ZBTB44: variants seen among roughly 807,000 people sequenced by gnomAD.
ZBTB44 encodes the protein zinc finger and BTB domain containing 44.
In ZBTB44, 15 loss-of-function variants were observed where a neutral mutation model predicts 54.0. The ratio of observed to expected loss-of-function variants is 0.28; its 90% CI spans 0.19 to 0.43. The LOEUF (loss-of-function observed/expected upper bound fraction) is 0.43. Ranked by LOEUF, ZBTB44 falls within the 20% of genes least tolerant of loss-of-function variation. ZBTB44 has a pLI of 1.00. For missense variants in ZBTB44, 487 were observed against 707.1 expected, an observed-to-expected ratio of 0.69 and a Z score of 3.53; for synonymous variants, 230 against 250.1, an observed-to-expected ratio of 0.92 and a Z score of 0.76.
At chr11:130,312,936 A>C (rs1267891209) in intron 1 of ZBTB44, among the ~76,000 whole-genome samples, 1 of 152,236 alleles carries the variant, frequency 6.6e-6, no homozygotes, top group East Asian at 1.9e-4. Context: ...ATAATTACAC[A>C]CATACAGAGA....
chr11:130,303,905 G>A (rs1942125833), intron 1 of ZBTB44, among the ~76,000 whole-genome samples: 1 of 152,048 alleles, frequency 6.6e-6, no homozygotes, highest in Non-Finnish European at 1.5e-5. Flanking sequence ...GCAAGACAGA[G>A]TTATCAACGT....
Position 130,234,260 on chromosome 11 carries a change from G to A in ZBTB44, c.1582C>T (p.Pro528Ser), listed in dbSNP as rs1238680483. ...TCTTGTTCCTGGTTTAAGTAGTCCG[G>A]TACTAGGAAATCACTAGATAAGAGG... ...NYFQSSDFLV[P>S]DYLNQEQEET... Residue 528 changes from proline (P) to serine (S), a missense_variant, in exon 6 of 8, where the codon CCG becomes TCG. Pro to Ser is a moderately conservative substitution (Grantham distance 74, BLOSUM62 -1). Around this residue, in one of 3 missense-constraint regions of ZBTB44, gnomAD observed 120 missense variants for 240.3 expected, o/e 0.50. Transcript: ENST00000357899. 2.0e-6 allele frequency: 3 copies of A among 1,534,568 alleles called. No homozygotes were observed. The highest frequency in any genetic ancestry group is 2.2e-5 in the Admixed American group (1 of 46,180).
At chr11:130,250,225 T>C (rs963902812) in intron 2 of ZBTB44, among the ~76,000 whole-genome samples, 15 of 152,130 alleles carry the variant, frequency 9.9e-5, no homozygotes, top group African/African-American at 2.9e-4. Flanking sequence ...TTCCTCTTCA[T>C]TGGGCAGGGC....
chr11:130,262,670 T>A (rs964185727), intron 1 of ZBTB44, among the ~76,000 whole-genome samples: 1 of 152,136 alleles, frequency 6.6e-6, no homozygotes, highest in Admixed American at 6.5e-5. Context: ...ATCATCCCTG[T>A]TAATGTTTTA....
In ZBTB44 at chr11:130,306,501, C is replaced by CA. The variant is rs569135269; in HGVS notation, c.-57+7873dup. 5.6e-3 allele frequency among the ~76,000 whole-genome samples: 772 copies of CA among 137,024 alleles called. 11 individuals carry two copies. The highest frequency in any genetic ancestry group is 0.049 in the Middle Eastern group (13 of 266). The allele number at this position is 137,024 out of a possible 152,430, so 89.9% of individuals were successfully genotyped here. A position where few individuals can be genotyped will look rare whatever the true frequency, so the allele number is the denominator to read the frequency against. On this transcript the variant is annotated intron_variant, in intron 1 of 7. Coordinates refer to ENST00000357899, the MANE Select transcript of ZBTB44 (RefSeq NM_001301098.2). ...TGGGCAACAAGAGCTAAACTCCACT[C>CA]AAAAAAAAAAAAGAACTAAAAGTAG... is the stretch of plus-strand genomic sequence containing the variant.
In ZBTB44 at chr11:130,314,437, G is replaced by T. The variant is rs899862219; in HGVS notation, c.-119C>A. On this transcript the variant is annotated 5_prime_UTR_variant, in exon 1 of 8. Coordinates refer to ENST00000357899, the MANE Select transcript of ZBTB44 (RefSeq NM_001301098.2). ...CCTCCTCCTTCTCCCGCCAGGCTGG[G>T]GCGGCGAGGCGGCGGCGGCGGCGGC... 1 of 153,906 alleles carries T rather than the reference G, an allele frequency of 6.5e-6. No homozygotes were observed. Among genetic ancestry groups the T allele is most frequent in the Non-Finnish European group, 1.4e-5 (1 of 69,616 alleles). The allele number at this position is 153,906 out of a possible 1,614,324, so 9.5% of individuals were successfully genotyped here.
At chr11:130,313,222 G>C (rs138099544) in intron 1 of ZBTB44, among the ~76,000 whole-genome samples, 144 of 152,202 alleles carry the variant, frequency 9.5e-4, no homozygotes, top group Non-Finnish European at 1.7e-3. Context: ...GTAATTCTTC[G>C]TATCACTAAG....
intron 1 of ZBTB44, among the ~76,000 whole-genome samples, chr11:130,310,642 T>C (rs1383020794): frequency 6.6e-6 from 1 of 152,216 alleles, no homozygotes; most frequent in Admixed American, 6.5e-5. Flanking sequence ...CTGAGCTTGA[T>C]GTGAGAATGT....
At chr11:130,255,717 T>A (rs949951931) in intron 2 of ZBTB44, among the ~76,000 whole-genome samples, 1 of 151,952 alleles carries the variant, frequency 6.6e-6, no homozygotes, top group Non-Finnish European at 1.5e-5. Flanking sequence ...AAAAGGGATG[T>A]CATTATTGAT....
intron 3 of ZBTB44, 125 bp downstream of exon 3, chr11:130,239,687 T>C: frequency 1.4e-6 from 1 of 727,220 alleles, no homozygotes; most frequent in South Asian, 1.8e-5. Flanking sequence ...TGCTACTTCA[T>C]TACTTTGAAA....
chr11:130,262,450 G>A (rs1459904300), intron 1 of ZBTB44, among the ~76,000 whole-genome samples: 4 of 152,210 alleles, frequency 2.6e-5, no homozygotes, highest in Admixed American at 6.5e-5. Flanking sequence ...GTGAACCAGC[G>A]TTTTAATGAG....
At chr11:130,295,604 A>G in intron 1 of ZBTB44, 1 of 768,792 alleles carries the variant, frequency 1.3e-6, no homozygotes, top group Non-Finnish European at 2.3e-6. Flanking sequence ...TTCTCTACAT[A>G]ATATTGTCAA....
chr11:130,251,965 C>G (rs1192117541), intron 2 of ZBTB44, among the ~76,000 whole-genome samples: 1 of 152,138 alleles, frequency 6.6e-6, no homozygotes, highest in African/African-American at 2.4e-5. Flanking sequence ...AATTAAAAGA[C>G]ACAGACTGGC....
chr11:130,236,094 A>G, intron 5 of ZBTB44: 1 of 1,270,170 alleles, frequency 7.9e-7, no homozygotes, highest in East Asian at 5.6e-5. Context: ...CTTAGAAACC[A>G]TCGTTTAAAG....
At position 130,292,491 on chromosome 11, in the gene ZBTB44, T is replaced by C. The variant is rs762486139; in HGVS notation, c.-57+21884A>G. On this transcript the variant is annotated intron_variant, in intron 1 of 7. Transcript: ENST00000357899. Reference sequence around the variant, plus strand: ...CTGCCTAAAAGAGTACATACACTGGTATGCAACAAGATCATAAGAAAAAAA... The same window carrying C: ...CTGCCTAAAAGAGTACATACACTGGCATGCAACAAGATCATAAGAAAAAAA... 3.9e-5 allele frequency among the ~76,000 whole-genome samples: 6 copies of C among 152,130 alleles called. 1 individual carries two copies. Among genetic ancestry groups the C allele is most frequent in the Admixed American group, 1.3e-4 (2 of 15,268 alleles).
At chr11:130,241,605 C>T (rs138323515) in intron 2 of ZBTB44, among the ~76,000 whole-genome samples, 139 of 152,164 alleles carry the variant, frequency 9.1e-4, no homozygotes, top group Middle Eastern at 6.8e-3. Context: ...GTATATAAGC[C>T]CTTGGTCAGT....
chr11:130,258,526 A>T (rs916270025), intron 2 of ZBTB44, among the ~76,000 whole-genome samples: 5 of 152,200 alleles, frequency 3.3e-5, no homozygotes, highest in Non-Finnish European at 7.3e-5. Context: ...CCTACCACTA[A>T]GATAAAATCC....
Position 130,227,528 on chromosome 11 carries a change from C to T in ZBTB44, c.*4236G>A, listed in dbSNP as rs1001083886. ...GCTATAACTGGCAGGGTAAAAAAGT[C>T]CCCCCGCCCCGACTTCCTTGCTGCC... On this transcript the variant is annotated 3_prime_UTR_variant, in exon 8 of 8. Transcript: ENST00000357899. 2 of 152,126 alleles carry T rather than the reference C, an allele frequency of 1.3e-5. No homozygotes were observed. Among genetic ancestry groups the T allele is most frequent in the Non-Finnish European group, 2.9e-5 (2 of 68,036 alleles). 9.4% of individuals were successfully genotyped at this position (152,126 alleles called of 1,614,324 possible).
At chr11:130,311,520 T>G (rs1043469272) in intron 1 of ZBTB44, among the ~76,000 whole-genome samples, 7 of 152,230 alleles carry the variant, frequency 4.6e-5, no homozygotes, top group Admixed American at 3.3e-4. Context: ...GTTTATTAAC[T>G]GTATTAAAAA....
Sources: gnomAD v4.1 joint callset for allele counts (sites outside exome capture counted in the v4.1 genomes callset) on GRCh38, gnomAD v4.1.1 for gene constraint, gnomAD v4.1.1 regional missense constraint, MANE v1.5 for transcripts, NCBI Gene and HGNC (gene_info 2026-07-23, HGNC 2026-07-21) for gene names.